Variants in ARID1A observed in about 807,000 individuals in gnomAD.
The protein encoded by ARID1A is AT-rich interaction domain 1A.
A neutral mutation model predicts 212.6 loss-of-function variants in ARID1A; 20 were observed. That is an observed-to-expected ratio of 0.09 (90% CI 0.07 to 0.14). The LOEUF (loss-of-function observed/expected upper bound fraction) is 0.14. Ranked by LOEUF, ARID1A falls within the 10% of genes least tolerant of loss-of-function variation. The pLI is 1.00. For synonymous variants in ARID1A, 1,376 were observed against 1,222.1 expected (o/e 1.13, Z -2.63); for missense variants, 2,587 against 3,059.0 (o/e 0.85, Z 3.64).
At chr1:26,736,649 G>T (rs2080733568) in intron 4 of ARID1A, among the ~76,000 whole-genome samples, 1 of 146,240 alleles carries the variant, frequency 6.8e-6, no homozygotes, top group African/African-American at 2.5e-5. Flanking sequence ...AAAAAAAAGG[G>T]CACAGTGGCT....
chr1:26,740,727 C>T (rs540601681), intron 4 of ARID1A, among the ~76,000 whole-genome samples: 65 of 152,208 alleles, frequency 4.3e-4, no homozygotes, highest in African/African-American at 1.4e-3. Flanking sequence ...GCTTTGAAAA[C>T]GGGAGAGTCT....
At chr1:26,706,126 A>G (rs907293638) in intron 1 of ARID1A, among the ~76,000 whole-genome samples, 1 of 152,170 alleles carries the variant, frequency 6.6e-6, no homozygotes, top group East Asian at 1.9e-4. Context: ...ATTGCTACCC[A>G]TATGAAGAGG....
rs957684148 is a variant in ARID1A, at chr1:26,761,294, C to G, written c.2162-90C>G. 32 of 1,527,750 alleles carry G rather than the reference C, an allele frequency of 2.1e-5. No homozygotes were observed. In the African/African-American group the frequency reaches 2.7e-4, roughly 13 times the overall value. 94.6% of individuals were successfully genotyped at this position (1,527,750 alleles called of 1,614,324 possible). ...GATACTGGGAGGTACTTGGCCTCTTCATGAGCCATTTCTAGCTCTGAATTA... is the reference window on the plus strand; with the variant it reads ...GATACTGGGAGGTACTTGGCCTCTTGATGAGCCATTTCTAGCTCTGAATTA... On this transcript the variant is annotated intron_variant, in intron 5 of 19. Transcript: ENST00000324856.
In ARID1A at chr1:26,766,574, T is replaced by A. The variant is rs750861922; in HGVS notation, c.2988+8T>A. 10 of 1,602,006 alleles carry A rather than the reference T, an allele frequency of 6.2e-6. No homozygotes were observed. The East Asian group carries it at 1.3e-4, about 22-fold the overall frequency. ...ACAGAATCCAAATCCAAGGTAGTGA[T>A]TTTTGTCTTGACTCCTTTCAACTTT... On this transcript the variant is annotated splice_region_variant and intron_variant, in intron 10 of 19. Transcript: ENST00000324856.
At chr1:26,726,933 A>G (rs1319136676) in intron 1 of ARID1A, among the ~76,000 whole-genome samples, 1 of 152,252 alleles carries the variant, frequency 6.6e-6, no homozygotes, top group African/African-American at 2.4e-5. Flanking sequence ...TGAAAGGTCA[A>G]GTTTCTGTTA....
At chr1:26,758,160 T>C (rs1265938163) in intron 4 of ARID1A, among the ~76,000 whole-genome samples, 1 of 152,186 alleles carries the variant, frequency 6.6e-6, no homozygotes, top group Non-Finnish European at 1.5e-5. Context: ...ATTTGCTATA[T>C]AGACTGTAGG....
At chr1:26,705,688 T>C (rs2080385262) in intron 1 of ARID1A, among the ~76,000 whole-genome samples, 1 of 152,198 alleles carries the variant, frequency 6.6e-6, no homozygotes, top group Non-Finnish European at 1.5e-5. Flanking sequence ...TTCGGGTGAA[T>C]ATTGACTTAG....
chr1:26,764,610 A>C (rs542650635), intron 8 of ARID1A: 9 of 152,284 alleles, frequency 5.9e-5, no homozygotes, highest in Admixed American at 2.0e-4. Flanking sequence ...GAATAGGGCG[A>C]TTGACTATAA....
At chr1:26,742,914 G>T (rs2080801531) in intron 4 of ARID1A, among the ~76,000 whole-genome samples, 1 of 152,108 alleles carries the variant, frequency 6.6e-6, no homozygotes, top group African/African-American at 2.4e-5. Flanking sequence ...AGGTTGCAGT[G>T]GGCTGAGGTC....
chr1:26,730,732 A>C (rs1250000646), intron 2 of ARID1A, among the ~76,000 whole-genome samples: 1 of 152,220 alleles, frequency 6.6e-6, no homozygotes, highest in Non-Finnish European at 1.5e-5. Flanking sequence ...TGATTTTCAC[A>C]CTGTCTGAAT....
intron 4 of ARID1A, among the ~76,000 whole-genome samples, chr1:26,735,018 T>C (rs999973297): frequency 2.0e-5 from 3 of 152,226 alleles, no homozygotes; most frequent in Non-Finnish European, 4.4e-5. Context: ...TGCTCAGTTA[T>C]TGATGCCAAG....
At chr1:26,715,799 G>C (rs1025068042) in intron 1 of ARID1A, among the ~76,000 whole-genome samples, 4 of 152,042 alleles carry the variant, frequency 2.6e-5, no homozygotes, top group Non-Finnish European at 4.4e-5. Context: ...CATGAGCCCT[G>C]GAGTTCCAGG....
At position 26,732,671 on chromosome 1, in the gene ARID1A, T is replaced by C. The variant is rs997421098; in HGVS notation, c.1804-5T>C. ...CCATCACAGCTTTTGTTTTTCTTGT[T>C]GTAGGAGCTATCTCAAGATTCATTT... On this transcript the variant is annotated splice_polypyrimidine_tract_variant and splice_region_variant and intron_variant, in intron 3 of 19. Coordinates refer to ENST00000324856, the MANE Select transcript of ARID1A (RefSeq NM_006015.6). 6.2e-7 allele frequency: 1 copy of C among 1,606,664 alleles called. No homozygotes were observed. Among genetic ancestry groups the C allele is most frequent in the African/African-American group, 1.3e-5 (1 of 74,860 alleles).
In ARID1A at chr1:26,762,055, A is replaced by T. The variant is rs113319329; in HGVS notation, c.2252-97A>T. On this transcript the variant is annotated intron_variant, in intron 6 of 19. Transcript: ENST00000324856. Reference sequence around the variant, plus strand: ...TAGAGACTCCATGCAAGTGGCTGCTAAAGAAAATGTAGATGGTAAAGTCCC... The same window carrying T: ...TAGAGACTCCATGCAAGTGGCTGCTTAAGAAAATGTAGATGGTAAAGTCCC... 102,572 of 1,361,308 alleles carry T rather than the reference A, an allele frequency of 0.075. 4,388 individuals are homozygous for T. The highest frequency in any genetic ancestry group is 0.085 in the Non-Finnish European group (85,075 of 1,005,264). The allele number at this position is 1,361,308 out of a possible 1,614,324, so 84.3% of individuals were successfully genotyped here.
chr1:26,716,443 TG>T (rs2080504276), intron 1 of ARID1A, among the ~76,000 whole-genome samples: 1 of 152,132 alleles, frequency 6.6e-6, no homozygotes, highest in Non-Finnish European at 1.5e-5. Context: ...ACAACACAAC[TG>T]TTTTTTTAAA....
intron 4 of ARID1A, among the ~76,000 whole-genome samples, chr1:26,746,254 C>T (rs2080834481): frequency 6.6e-6 from 1 of 152,170 alleles, no homozygotes; most frequent in Non-Finnish European, 1.5e-5. Flanking sequence ...AGGAAGAATT[C>T]TCAAAAACTA....
At chr1:26,701,344 T>A (rs1242360218) in intron 1 of ARID1A, among the ~76,000 whole-genome samples, 1 of 152,228 alleles carries the variant, frequency 6.6e-6, no homozygotes, top group African/African-American at 2.4e-5. Context: ...GGGGCTTGAA[T>A]GGAGTCCTGA....
intron 6 of ARID1A, 51 bp downstream of exon 6, chr1:26,761,524 G>C (rs2124060505): frequency 6.4e-7 from 1 of 1,563,090 alleles, no homozygotes; most frequent in Non-Finnish European, 8.8e-7. Flanking sequence ...AGACATTTGA[G>C]TGCCCTATGC....
rs999017389 is a variant in ARID1A, at chr1:26,781,175, A to T, written c.*419A>T. 5 of 240,890 alleles carry T rather than the reference A, an allele frequency of 2.1e-5. No homozygotes were observed. The highest frequency in any genetic ancestry group is 1.2e-4 in the East Asian group (2 of 16,846). 14.9% of individuals were successfully genotyped at this position (240,890 alleles called of 1,614,324 possible). A position where few individuals can be genotyped will look rare whatever the true frequency, so the allele number is the denominator to read the frequency against. ...TTTTAATGGTAAAAAAAAAAAAAAA[A>T]AATACAAAAAAAAATTCTGAAGGAC... On this transcript the variant is annotated 3_prime_UTR_variant, in exon 20 of 20. Coordinates refer to ENST00000324856, the MANE Select transcript of ARID1A (RefSeq NM_006015.6).
Sources: gnomAD v4.1 joint callset for allele counts (sites outside exome capture counted in the v4.1 genomes callset) on GRCh38, gnomAD v4.1.1 for gene constraint, MANE v1.5 for transcripts, NCBI Gene and HGNC (gene_info 2026-07-23, HGNC 2026-07-21) for gene names.